The following VAPB variants were observed in gnomAD, a reference collection of about 807,000 sequenced individuals.
VAPB encodes vesicle-associated membrane protein-associated protein B/C.
Under a neutral mutation model 25.6 loss-of-function variants are expected in VAPB, and 7 were observed. That is an observed-to-expected ratio of 0.27 (90% CI 0.16 to 0.51). The LOEUF (loss-of-function observed/expected upper bound fraction) is 0.51. Among genes scored for constraint, VAPB ranks in the 20% least tolerant of loss-of-function variants. VAPB has a pLI of 0.97. For missense variants in VAPB, 266 were observed against 301.3 expected, an observed-to-expected ratio of 0.88 and a Z score of 0.87; for synonymous variants, 112 against 109.2, an observed-to-expected ratio of 1.03 and a Z score of -0.16.
Position 58,450,780 on chromosome 20 carries a change from A to C in VAPB, c.*6545A>C, listed in dbSNP as rs1031766795. On this transcript the variant is annotated 3_prime_UTR_variant, in exon 6 of 6. Coordinates refer to ENST00000475243, the MANE Select transcript of VAPB (RefSeq NM_004738.5). ...GTCTTAGAATGCTTTAGTTTTCATA[A>C]TTTGTCCTTTATGTATTTTTCATTG... 1.1e-5 allele frequency: 5 copies of C among 453,944 alleles called. No homozygotes were observed. Among genetic ancestry groups the C allele is most frequent in the African/African-American group, 1.0e-4 (5 of 49,992 alleles). 28.1% of individuals were successfully genotyped at this position (453,944 alleles called of 1,614,324 possible). A position where few individuals can be genotyped will look rare whatever the true frequency, so the allele number is the denominator to read the frequency against.
chr20:58,403,173 C>G (rs1988140728), intron 1 of VAPB, among the ~76,000 whole-genome samples: 2 of 152,306 alleles, frequency 1.3e-5, no homozygotes, highest in South Asian at 4.1e-4. Flanking sequence ...ATGCTGGTTG[C>G]TTTTCTCTCT....
intron 3 of VAPB, among the ~76,000 whole-genome samples, chr20:58,436,790 G>A (rs1002124390): frequency 3.3e-5 from 5 of 152,124 alleles, no homozygotes; most frequent in Non-Finnish European, 7.4e-5. Flanking sequence ...TGCTTGAGAT[G>A]CAAATTTATG....
chr20:58,404,110 C>A (rs1473119829), intron 1 of VAPB, among the ~76,000 whole-genome samples: 1 of 152,090 alleles, frequency 6.6e-6, no homozygotes, highest in Non-Finnish European at 1.5e-5. Context: ...CTTCTCTCAC[C>A]CTTTGGACTA....
intron 1 of VAPB, among the ~76,000 whole-genome samples, chr20:58,397,905 C>T (rs992579745): frequency 2.0e-5 from 3 of 152,102 alleles, no homozygotes; most frequent in Non-Finnish European, 4.4e-5. Flanking sequence ...TTTGGGAAGT[C>T]GTCATTTTCC....
At chr20:58,414,400 C>A (rs1238775324) in intron 1 of VAPB, among the ~76,000 whole-genome samples, 2 of 150,398 alleles carry the variant, frequency 1.3e-5, no homozygotes, top group African/African-American at 4.9e-5. Flanking sequence ...GGGTGGCCGC[C>A]GGGCGGAGAG....
rs1246261522 is a variant in VAPB, at chr20:58,446,461, T to G, written c.*2226T>G. On this transcript the variant is annotated 3_prime_UTR_variant, in exon 6 of 6. Transcript: ENST00000475243. ...TATTTATTTTTAAAGGATATGGCCG[T>G]GTGTTTTGATAAAACTTTATTCACA... 1 of 454,128 alleles carries G rather than the reference T, an allele frequency of 2.2e-6. No homozygotes were observed. Among genetic ancestry groups the G allele is most frequent in the Non-Finnish European group, 4.4e-6 (1 of 226,782 alleles). The allele number at this position is 454,128 out of a possible 1,614,324, so 28.1% of individuals were successfully genotyped here.
At chr20:58,431,558 GT>G (rs66688049) in intron 2 of VAPB, 49,613 of 146,198 alleles carry the variant, frequency 0.34, 8,452 homozygotes, top group African/African-American at 0.35. Flanking sequence ...TATCTTGTTT[GT>G]TTTTTTTTTT....
chr20:58,397,057 A>AG (rs1319676089), intron 1 of VAPB, among the ~76,000 whole-genome samples: 26 of 152,226 alleles, frequency 1.7e-4, no homozygotes, highest in African/African-American at 5.8e-4. Context: ...TGTCAGGACA[A>AG]TTTCTTAAGA....
At chr20:58,418,828 A>G (rs375999093) in intron 2 of VAPB, among the ~76,000 whole-genome samples, 11 of 152,316 alleles carry the variant, frequency 7.2e-5, no homozygotes, top group African/African-American at 2.2e-4. Flanking sequence ...TGGCCACTGC[A>G]CTTTACTGAT....
rs1989416375 is a variant in VAPB, at chr20:58,450,366, CTA to C, written c.*6135_*6136del. 2.2e-6 allele frequency: 1 copy of C among 453,984 alleles called. No individual in the cohort carries two copies. The allele number at this position is 453,984 out of a possible 1,614,324, so 28.1% of individuals were successfully genotyped here. ...GTAAGTACCCTCTGTCTGTTTGCTACTATATGAGGTGCTGCGAAATTAGTGGG... is the reference window on the plus strand; with the variant it reads ...GTAAGTACCCTCTGTCTGTTTGCTACTATGAGGTGCTGCGAAATTAGTGGG... On this transcript the variant is annotated 3_prime_UTR_variant, in exon 6 of 6. Coordinates refer to ENST00000475243, the MANE Select transcript of VAPB (RefSeq NM_004738.5).
intron 2 of VAPB, 74 bp from the exon 3 acceptor site, chr20:58,434,528 G>GTTGTAAATAATTGCTT: frequency 1.2e-6 from 1 of 804,026 alleles, no homozygotes. Flanking sequence ...TACAACCAAA[G>GTTGTAAATAATTGCTT]TACAAGTATT....
chr20:58,393,097 C>T (rs545736320), intron 1 of VAPB, among the ~76,000 whole-genome samples: 1 of 152,228 alleles, frequency 6.6e-6, no homozygotes, highest in East Asian at 1.9e-4. Context: ...GCAGTGGTGC[C>T]ATCATAGCTC....
intron 2 of VAPB, among the ~76,000 whole-genome samples, chr20:58,422,182 A>AT (rs148987025): frequency 0.012 from 1,819 of 152,144 alleles, 46 homozygotes; most frequent in African/African-American, 0.041. Flanking sequence ...GTCTCATCTC[A>AT]TTTTTATTGT....
At chr20:58,397,764 C>T (rs998020207) in intron 1 of VAPB, among the ~76,000 whole-genome samples, 1 of 152,140 alleles carries the variant, frequency 6.6e-6, no homozygotes, top group African/African-American at 2.4e-5. Context: ...TCTGCATGCT[C>T]CTGACCAGCC....
chr20:58,432,810 G>T (rs1185703359), intron 2 of VAPB, among the ~76,000 whole-genome samples: 3 of 152,238 alleles, frequency 2.0e-5, no homozygotes, highest in Non-Finnish European at 4.4e-5. Flanking sequence ...GCCCAGGTCG[G>T]TAAATGTTCC....
In VAPB at chr20:58,449,642, GAAT is replaced by G. The variant is rs1180347408; in HGVS notation, c.*5408_*5410del. ...AGTTGAATAAAACAGTACTGTGGGA[GAAT>G]CGCTTTCTGCTGCTAGATAAATGCT... On this transcript the variant is annotated 3_prime_UTR_variant, in exon 6 of 6. Transcript: ENST00000475243. The G allele has an allele frequency of 6.6e-6, 3 of 453,850 alleles. No homozygotes were observed. The highest frequency in any genetic ancestry group is 6.0e-5 in the African/African-American group (3 of 49,986). The allele number at this position is 453,850 out of a possible 1,614,324, so 28.1% of individuals were successfully genotyped here. A position where few individuals can be genotyped will look rare whatever the true frequency, so the allele number is the denominator to read the frequency against.
intron 2 of VAPB, among the ~76,000 whole-genome samples, chr20:58,428,159 G>T (rs745823860): frequency 6.6e-6 from 1 of 152,208 alleles, no homozygotes; most frequent in Non-Finnish European, 1.5e-5. Context: ...TTTCTTCTCT[G>T]TTCAGGCAAC....
At position 58,444,786 on chromosome 20, in the gene VAPB, T is replaced by A; in HGVS notation, c.*551T>A. On this transcript the variant is annotated 3_prime_UTR_variant, in exon 6 of 6. Coordinates refer to ENST00000475243, the MANE Select transcript of VAPB (RefSeq NM_004738.5). ...CCAAAGGAATTGCACTGTGGCAGCATCAGACGTACTCGTCATAAGTGAGAG... is the reference window on the plus strand; with the variant it reads ...CCAAAGGAATTGCACTGTGGCAGCAACAGACGTACTCGTCATAAGTGAGAG... 2.2e-6 allele frequency: 1 copy of A among 454,586 alleles called. No individual in the cohort carries two copies. The highest frequency in any genetic ancestry group is 1.6e-5 in the South Asian group (1 of 64,482). 28.2% of individuals were successfully genotyped at this position (454,586 alleles called of 1,614,324 possible). A position where few individuals can be genotyped will look rare whatever the true frequency, so the allele number is the denominator to read the frequency against.
rs769098109 is a variant in VAPB at position 58,444,390 on chromosome 20, TAC to T, written c.*165_*166del. On this transcript the variant is annotated 3_prime_UTR_variant, in exon 6 of 6. Transcript: ENST00000475243. Reference sequence around the variant, plus strand: ...CCCTCCCTGCACACACATACACAGATACACACACACAAATATAATGTAACGAT... The same window carrying T: ...CCCTCCCTGCACACACATACACAGATACACACACAAATATAATGTAACGAT... 4.3e-5 allele frequency: 42 copies of T among 969,722 alleles called. No homozygotes were observed. The highest frequency in any genetic ancestry group is 9.3e-5 in the Admixed American group (5 of 53,716). 60.1% of individuals were successfully genotyped at this position (969,722 alleles called of 1,614,324 possible). A position where few individuals can be genotyped will look rare whatever the true frequency, so the allele number is the denominator to read the frequency against.
Sources: gnomAD v4.1 joint callset for allele counts (sites outside exome capture counted in the v4.1 genomes callset) on GRCh38, gnomAD v4.1.1 for gene constraint, MANE v1.5 for transcripts, NCBI Gene and HGNC (gene_info 2026-07-23, HGNC 2026-07-21) for gene names.